CANX: variants seen among roughly 807,000 people sequenced by gnomAD.
CANX encodes calnexin.
A neutral mutation model predicts 75.7 loss-of-function variants in CANX; 14 were observed. The ratio of observed to expected loss-of-function variants is 0.19; its 90% CI spans 0.12 to 0.29. The LOEUF is 0.29. Ranked by LOEUF, CANX falls within the 10% of genes least tolerant of loss-of-function variation. CANX has a pLI of 1.00. For synonymous variants in CANX, 227 were observed against 236.9 expected (o/e 0.96, Z 0.38); for missense variants, 567 against 713.2 (o/e 0.79, Z 2.34).
chr5:179,694,697 T>C, upstream of CANX: 1 of 708,104 alleles, frequency 1.4e-6, no homozygotes, highest in Non-Finnish European at 2.6e-6. Context: ...CAAAGCGTCC[T>C]GCTAAAGTTG....
chr5:179,703,170 C>G (rs1172067230), intron 1 of CANX, among the ~76,000 whole-genome samples: 1 of 151,964 alleles, frequency 6.6e-6, no homozygotes, highest in African/African-American at 2.4e-5. Context: ...GCCTTGGACT[C>G]CCAATGTGCT....
At chr5:179,722,032 A>G (rs868682482) in intron 10 of CANX, among the ~76,000 whole-genome samples, 21 of 152,208 alleles carry the variant, frequency 1.4e-4, no homozygotes, top group African/African-American at 4.8e-4. Context: ...GTTTTACTTT[A>G]AAAAAGTTGC....
At chr5:179,679,533 G>A (rs1775998912) in intron 1 of CANX, among the ~76,000 whole-genome samples, 1 of 152,206 alleles carries the variant, frequency 6.6e-6, no homozygotes, top group South Asian at 2.1e-4. Flanking sequence ...AGCTGGAAGG[G>A]TGAGGGGTAG....
At chr5:179,712,655 C>T (rs1394335150) in intron 7 of CANX, among the ~76,000 whole-genome samples, 8 of 149,808 alleles carry the variant, frequency 5.3e-5, no homozygotes, top group South Asian at 2.1e-4. Flanking sequence ...AAACTCCCGA[C>T]GTCAGGTGAT....
intron 13 of CANX, among the ~76,000 whole-genome samples, chr5:179,725,875 C>T (rs186321540): frequency 7.3e-5 from 11 of 150,980 alleles, no homozygotes; most frequent in Admixed American, 7.3e-4. Flanking sequence ...GTAGTCCCAC[C>T]TATTCGGGAG....
Position 179,691,150 on chromosome 5 carries a change from C to T in CANX, c.-4+12373C>T, listed in dbSNP as rs1355423258. On this transcript the variant is annotated intron_variant, in intron 1 of 14. Coordinates refer to the CANX transcript ENST00000681674. ...AAGCAATTCTCCTGCCTCAGCCTCC[C>T]GAGTAGCTGGGATTACAGGGCCTAC... Among the ~76,000 whole-genome samples the T allele has an allele frequency of 1.2e-4, 18 of 151,884 alleles. 1 individual carries two copies. Among genetic ancestry groups the T allele is most frequent in the Admixed American group, 9.2e-4 (14 of 15,230 alleles).
At chr5:179,698,557 G>A (rs771164191), upstream of CANX, 9 of 1,289,424 alleles carry the variant, frequency 7.0e-6, no homozygotes, top group South Asian at 9.9e-5. Context: ...CCCCGTCAGC[G>A]AAGGGCGCGC....
At chr5:179,690,204 C>T (rs1450206643) in intron 1 of CANX, among the ~76,000 whole-genome samples, 1 of 152,200 alleles carries the variant, frequency 6.6e-6, no homozygotes, top group African/African-American at 2.4e-5. Flanking sequence ...AAATTTCAGT[C>T]TGGCTTCTGT....
chr5:179,712,656 G>T (rs1777654704), intron 7 of CANX, among the ~76,000 whole-genome samples: 1 of 147,970 alleles, frequency 6.8e-6, no homozygotes, highest in Non-Finnish European at 1.5e-5. Context: ...AACTCCCGAC[G>T]TCAGGTGATC....
intron 1 of CANX, among the ~76,000 whole-genome samples, chr5:179,691,728 C>T (rs1044818537): frequency 6.6e-6 from 1 of 152,056 alleles, no homozygotes; most frequent in African/African-American, 2.4e-5. Flanking sequence ...ATATACTTTC[C>T]TTGAGGTAGT....
intron 1 of CANX, chr5:179,679,372 C>T (rs1033115324): frequency 1.0e-6 from 1 of 980,566 alleles, no homozygotes; most frequent in Non-Finnish European, 1.5e-6. Context: ...GCGGCTGTGT[C>T]TCACCAGCTG....
Position 179,720,440 on chromosome 5 carries a change from G to C in CANX, c.1062G>C (p.Gln354His). ...TGGATGGAGAATGGGAGGCTCCTCA[G>C]ATTGCCAACCCTAGATGTGAGTCAG... ...EDMDGEWEAP[Q>H]IANPRCESAP... Residue 354 changes from glutamine to histidine, a missense_variant, in exon 10 of 15, where the codon CAG becomes CAC. Gln to His is a conservative substitution (Grantham distance 24). Transcript: ENST00000247461. 3 of 1,614,032 alleles carry C rather than the reference G, an allele frequency of 1.9e-6. No individual in the cohort carries two copies. Among genetic ancestry groups the C allele is most frequent in the Non-Finnish European group, 2.5e-6 (3 of 1,179,904 alleles).
intron 1 of CANX, among the ~76,000 whole-genome samples, chr5:179,701,295 A>T (rs1307253414): frequency 1.3e-5 from 2 of 152,062 alleles, no homozygotes; most frequent in Non-Finnish European, 2.9e-5. Flanking sequence ...AACTACTTTA[A>T]AAAGTGTAAT....
rs1778459650 is a variant in CANX, at chr5:179,723,699, C to T, written c.1438C>T (p.Arg480Cys). The T allele has an allele frequency of 6.2e-7, 1 of 1,613,668 alleles. No individual in the cohort carries two copies. Among genetic ancestry groups the T allele is most frequent in the Non-Finnish European group, 8.5e-7 (1 of 1,179,744 alleles). Residue 480 changes from arginine to cysteine, a missense_variant, in exon 12 of 15, where the codon CGC becomes TGC. Transcript: ENST00000247461. The stretch of plus-strand genomic sequence containing the variant: ...GCAGATGATCGAGGCAGCTGAAGAG[C>T]GCCCGTGGCTGTGGGTAGTCTATAT... ...VGQMIEAAEE[R>C]PWLWVVYILT...
chr5:179,684,671 G>A (rs573316276), intron 1 of CANX, among the ~76,000 whole-genome samples: 8 of 151,770 alleles, frequency 5.3e-5, no homozygotes, highest in East Asian at 3.9e-4. Context: ...TAGTGGTAGC[G>A]TGTCTAAATT....
At chr5:179,713,748 T>C (rs1247832722) in intron 7 of CANX, among the ~76,000 whole-genome samples, 1 of 117,034 alleles carries the variant, frequency 8.5e-6, no homozygotes, top group East Asian at 3.0e-4. Flanking sequence ...TGAGACCTTG[T>C]TCCTACAAAA....
At chr5:179,680,836 C>T in intron 1 of CANX, 2 of 1,507,550 alleles carry the variant, frequency 1.3e-6, no homozygotes, top group Non-Finnish European at 1.8e-6. Context: ...ACACTTATCC[C>T]TCACATATAG....
At chr5:179,726,625 T>G in intron 13 of CANX, 55 bp from the exon 14 acceptor site, 1 of 1,180,372 alleles carries the variant, frequency 8.5e-7, no homozygotes. Flanking sequence ...CTAATGCTAA[T>G]ATATAATCAC....
In CANX at chr5:179,684,956, T is replaced by A. The variant is rs1031636509; in HGVS notation, c.-4+6179T>A. 9.1e-5 allele frequency among the ~76,000 whole-genome samples: 9 copies of A among 98,994 alleles called. No individual in the cohort carries two copies. The East Asian group carries it at 1.2e-3, about 13-fold the overall frequency. 64.9% of individuals were successfully genotyped at this position (98,994 alleles called of 152,430 possible). A position where few individuals can be genotyped will look rare whatever the true frequency, so the allele number is the denominator to read the frequency against. On this transcript the variant is annotated intron_variant, in intron 1 of 14. Transcript: ENST00000681674. ...TTTTTTTTTTTTTTTTTTTTTTTTTTACTAGAGACAGGGTTTTCACCATGT... is the reference window on the plus strand; with the variant it reads ...TTTTTTTTTTTTTTTTTTTTTTTTTAACTAGAGACAGGGTTTTCACCATGT...
Sources: gnomAD v4.1 joint callset for allele counts (sites outside exome capture counted in the v4.1 genomes callset) on GRCh38, gnomAD v4.1.1 for gene constraint, MANE v1.5 for transcripts, NCBI Gene and HGNC (gene_info 2026-07-23, HGNC 2026-07-21) for gene names.